Variants in CDH8 observed in about 807,000 individuals in gnomAD.
CDH8 encodes cadherin 8.
In CDH8, 17 loss-of-function variants were observed where a neutral mutation model predicts 68.1. That is an observed-to-expected ratio of 0.25 (90% CI 0.17 to 0.37). The LOEUF (loss-of-function observed/expected upper bound fraction) is 0.37, where lower values mean the gene tolerates loss of function less well. CDH8 is among the 10% of genes least tolerant of loss of function. The pLI, the probability that CDH8 is intolerant of heterozygous loss-of-function variation, is 1.00. For synonymous variants in CDH8, 372 were observed against 365.1 expected, an observed-to-expected ratio of 1.02 and a Z score of -0.21; for missense variants, 763 against 999.3, an observed-to-expected ratio of 0.76 and a Z score of 3.19.
intron 2 of CDH8, among the ~76,000 whole-genome samples, chr16:61,985,918 CTTTTTTTTTT>C: frequency 1.1e-5 from 1 of 91,114 alleles, no homozygotes; most frequent in Admixed American, 1.5e-4. Flanking sequence ...CCTTTCTTTA[CTTTTTTTTTT>C]TTTTTTTTTT....
At chr16:61,987,305 A>G (rs1965645595) in intron 2 of CDH8, among the ~76,000 whole-genome samples, 1 of 152,134 alleles carries the variant, frequency 6.6e-6, no homozygotes, top group Non-Finnish European at 1.5e-5. Context: ...GGAGTTCGAG[A>G]CCAGCCTGGC....
intron 2 of CDH8, among the ~76,000 whole-genome samples, chr16:61,956,407 C>T (rs1022678514): frequency 6.6e-6 from 1 of 151,862 alleles, no homozygotes; most frequent in African/African-American, 2.4e-5. Flanking sequence ...CTCAAATAAC[C>T]ACTAACTCCA....
intron 10 of CDH8, among the ~76,000 whole-genome samples, chr16:61,656,321 A>T (rs1336949339): frequency 6.6e-6 from 1 of 152,218 alleles, no homozygotes; most frequent in Non-Finnish European, 1.5e-5. Context: ...CCTTCCGAAG[A>T]CATATATTAT....
chr16:61,916,645 A>AT (rs1219577581), intron 2 of CDH8, among the ~76,000 whole-genome samples: 25 of 152,190 alleles, frequency 1.6e-4, no homozygotes, highest in African/African-American at 6.0e-4. Flanking sequence ...TGCTAGTTTT[A>AT]TTTGCAATGA....
chr16:61,797,745 CT>C (rs2142996088), intron 7 of CDH8, among the ~76,000 whole-genome samples: 1 of 152,130 alleles, frequency 6.6e-6, no homozygotes, highest in South Asian at 2.1e-4. Flanking sequence ...TTGAAAGATT[CT>C]GGTGTGAGGG....
At chr16:61,865,279 T>A (rs75832016) in intron 3 of CDH8, among the ~76,000 whole-genome samples, 139 of 152,320 alleles carry the variant, frequency 9.1e-4, no homozygotes, top group African/African-American at 3.2e-3. Flanking sequence ...TTCTGGAGAA[T>A]TTAGGGAACC....
intron 10 of CDH8, among the ~76,000 whole-genome samples, chr16:61,661,333 C>A (rs1293192600): frequency 6.6e-6 from 1 of 151,750 alleles, no homozygotes; most frequent in Non-Finnish European, 1.5e-5. Context: ...GCACTGTGAA[C>A]TATATGCTAG....
intron 8 of CDH8, among the ~76,000 whole-genome samples, chr16:61,768,357 T>TCTCC (rs1960668523): frequency 9.6e-6 from 1 of 103,754 alleles, no homozygotes; most frequent in Non-Finnish European, 2.0e-5. Flanking sequence ...TCTCTCTCTC[T>TCTCC]CTCTCTCTCT....
intron 3 of CDH8, among the ~76,000 whole-genome samples, chr16:61,868,341 A>C (rs537733979): frequency 7.2e-4 from 110 of 152,346 alleles, no homozygotes; most frequent in African/African-American, 2.5e-3. Flanking sequence ...ATAAGAGAGA[A>C]TTAATAGCTT....
chr16:61,916,537 T>C (rs995186072), intron 2 of CDH8, among the ~76,000 whole-genome samples: 9 of 152,014 alleles, frequency 5.9e-5, no homozygotes, highest in Admixed American at 1.3e-4. Context: ...AATAAATAAA[T>C]AATAATAATA....
chr16:61,676,098 CATGA>C (rs1195240703), intron 10 of CDH8, among the ~76,000 whole-genome samples: 1 of 145,146 alleles, frequency 6.9e-6, no homozygotes, highest in Non-Finnish European at 1.5e-5. Flanking sequence ...GCAGTCATTG[CATGA>C]CTAGATTTAA....
intron 7 of CDH8, among the ~76,000 whole-genome samples, chr16:61,801,460 G>A (rs1022118313): frequency 2.6e-5 from 4 of 152,194 alleles, no homozygotes; most frequent in Non-Finnish European, 5.9e-5. Flanking sequence ...AAAATTGGAG[G>A]AGCCAAGATG....
intron 10 of CDH8, among the ~76,000 whole-genome samples, chr16:61,683,395 T>C (rs16963814): frequency 0.16 from 23,981 of 151,926 alleles, 2,057 homozygotes; most frequent in African/African-American, 0.21. Flanking sequence ...GAAGGAGGCA[T>C]TTATACTTGT....
rs187745671 is a variant in CDH8 at position 61,965,576 on chromosome 16, A to G, written c.252+55576T>C. On this transcript the variant is annotated intron_variant, in intron 2 of 11. Transcript: ENST00000577390. ...GAAAACTATCAGTAAAATTTAAAAT[A>G]AGCTCACATAAGGTGGATGTCTCAT... 2.6e-4 allele frequency among the ~76,000 whole-genome samples: 40 copies of G among 152,324 alleles called. 3 individuals carry two copies. Among genetic ancestry groups the G allele is most frequent in the Admixed American group, 2.0e-3 (31 of 15,300 alleles).
At chr16:62,004,382 C>A (rs925612143) in intron 2 of CDH8, among the ~76,000 whole-genome samples, 5 of 152,154 alleles carry the variant, frequency 3.3e-5, no homozygotes, top group Non-Finnish European at 7.3e-5. Flanking sequence ...AATCACAATC[C>A]TCCAGGCTAC....
chr16:61,969,036 A>G (rs1048962266), intron 2 of CDH8, among the ~76,000 whole-genome samples: 2 of 152,200 alleles, frequency 1.3e-5, no homozygotes, highest in African/African-American at 4.8e-5. Flanking sequence ...TAGGGTTTGG[A>G]TTTACACAAA....
intron 10 of CDH8, chr16:61,667,562 T>A (rs1282926888): frequency 6.6e-6 from 1 of 151,962 alleles, no homozygotes; most frequent in Non-Finnish European, 1.5e-5. Flanking sequence ...CCAGGAGTCA[T>A]CAAGTGATCT....
intron 2 of CDH8, among the ~76,000 whole-genome samples, chr16:62,002,968 G>A (rs1965917048): frequency 6.6e-6 from 1 of 152,108 alleles, no homozygotes; most frequent in Admixed American, 6.5e-5. Flanking sequence ...CGGGAGAATG[G>A]CGTGAACCGG....
At chr16:61,877,700 T>A (rs1963488123) in intron 3 of CDH8, among the ~76,000 whole-genome samples, 1 of 152,080 alleles carries the variant, frequency 6.6e-6, no homozygotes, top group East Asian at 1.9e-4. Flanking sequence ...CAAACACTCA[T>A]ATATTGCAAC....
Sources: allele counts gnomAD v4.1 joint callset (sites outside exome capture counted in the v4.1 genomes callset), GRCh38; gene constraint gnomAD v4.1.1; transcripts MANE v1.5; gene names NCBI Gene and HGNC (gene_info 2026-07-23, HGNC 2026-07-21).